Variants in NKAIN3 observed in about 807,000 individuals in gnomAD.
NKAIN3 encodes sodium/potassium transporting ATPase interacting 3, also known as sodium/potassium-transporting ATPase subunit beta-1-interacting protein 3.
NKAIN3 carries 25 observed loss-of-function variants against 30.2 expected under a neutral mutation model. That is an observed-to-expected ratio of 0.83 (90% CI 0.60 to 1.16). NKAIN3 has a LOEUF of 1.16. Ranked by LOEUF, NKAIN3 falls within the 50% of genes most tolerant of loss-of-function variation. The pLI is 0.00. For synonymous variants in NKAIN3, 91 were observed against 89.6 expected, an observed-to-expected ratio of 1.02 and a Z score of -0.09; for missense variants, 225 against 254.1, an observed-to-expected ratio of 0.89 and a Z score of 0.78.
At chr8:62,379,228 C>T (rs572287112) in intron 1 of NKAIN3, among the ~76,000 whole-genome samples, 7 of 152,266 alleles carry the variant, frequency 4.6e-5, no homozygotes, top group Admixed American at 2.0e-4. Flanking sequence ...ACCTGTACCC[C>T]GATTGTATCT....
At chr8:62,283,466 C>G (rs938303945) in intron 1 of NKAIN3, among the ~76,000 whole-genome samples, 2 of 152,216 alleles carry the variant, frequency 1.3e-5, no homozygotes, top group Admixed American at 6.5e-5. Flanking sequence ...GTCCACAGAT[C>G]AAAGTTCTTT....
chr8:62,532,255 A>T (rs1808510781), intron 1 of NKAIN3, among the ~76,000 whole-genome samples: 1 of 152,156 alleles, frequency 6.6e-6, no homozygotes, highest in African/African-American at 2.4e-5. Context: ...GGACAGCCTC[A>T]TGGTACCAGG....
At chr8:62,957,959 G>T (rs1823468757) in intron 6 of NKAIN3, among the ~76,000 whole-genome samples, 1 of 152,162 alleles carries the variant, frequency 6.6e-6, no homozygotes, top group Admixed American at 6.5e-5. Context: ...GGCAGGAACA[G>T]GGGCAGGGAG....
intron 1 of NKAIN3, among the ~76,000 whole-genome samples, chr8:62,432,568 C>T (rs74692649): frequency 0.11 from 16,592 of 151,982 alleles, 1,331 homozygotes; most frequent in African/African-American, 0.22. Context: ...CATAATATTG[C>T]ACATTATTTC....
intron 3 of NKAIN3, among the ~76,000 whole-genome samples, chr8:62,725,943 C>T (rs1815243499): frequency 6.6e-6 from 1 of 151,994 alleles, no homozygotes; most frequent in African/African-American, 2.4e-5. Flanking sequence ...AGCATGTACA[C>T]TTTAACAACA....
intron 1 of NKAIN3, among the ~76,000 whole-genome samples, chr8:62,477,763 C>T (rs1045448835): frequency 6.6e-6 from 1 of 152,000 alleles, no homozygotes; most frequent in African/African-American, 2.4e-5. Flanking sequence ...AAGGCAAGAA[C>T]CCTGTGGGCA....
At chr8:62,865,469 G>A (rs1820388394) in intron 4 of NKAIN3, among the ~76,000 whole-genome samples, 1 of 152,112 alleles carries the variant, frequency 6.6e-6, no homozygotes, top group South Asian at 2.1e-4. Flanking sequence ...TGCTTTTTGT[G>A]CACTCTGATC....
intron 3 of NKAIN3, among the ~76,000 whole-genome samples, chr8:62,673,762 C>A (rs1361608259): frequency 6.6e-6 from 1 of 152,132 alleles, no homozygotes; most frequent in East Asian, 1.9e-4. Flanking sequence ...AGTTGTAACA[C>A]AATGGTAAGT....
chr8:62,723,195 A>T lies in NKAIN3; in HGVS notation c.274-23737A>T, dbSNP rs541095867. ...TAAAATAATTATATGTTTTTTAAAA[A>T]ATCCTATCACATTAAAACAACATTT... On this transcript the variant is annotated intron_variant, in intron 3 of 6. Transcript: ENST00000623646. 3.9e-5 allele frequency among the ~76,000 whole-genome samples: 6 copies of T among 152,288 alleles called. No homozygotes were observed. In the South Asian group the frequency reaches 1.2e-3, roughly 32 times the overall value.
At chr8:62,789,853 A>G (rs570915230) in intron 4 of NKAIN3, among the ~76,000 whole-genome samples, 1 of 152,292 alleles carries the variant, frequency 6.6e-6, no homozygotes, top group South Asian at 2.1e-4. Context: ...CCAAGGCCAG[A>G]TGGATTCACA....
intron 1 of NKAIN3, chr8:62,473,455 A>G (rs1191751121): frequency 6.6e-6 from 1 of 152,184 alleles, no homozygotes; most frequent in African/African-American, 2.4e-5. Context: ...AAAAAGGAAA[A>G]TGGGGCCTTA....
chr8:62,520,365 A>G (rs1447572359), intron 1 of NKAIN3, among the ~76,000 whole-genome samples: 1 of 152,148 alleles, frequency 6.6e-6, no homozygotes, highest in African/African-American at 2.4e-5. Context: ...AATAGTAAAA[A>G]CATAAAGTAA....
chr8:62,492,339 GT>G (rs1807097503), intron 1 of NKAIN3, among the ~76,000 whole-genome samples: 1 of 152,096 alleles, frequency 6.6e-6, no homozygotes, highest in South Asian at 2.1e-4. Context: ...TGAATTATCT[GT>G]GAAACTTTGT....
At chr8:62,696,066 A>G (rs920221446) in intron 3 of NKAIN3, among the ~76,000 whole-genome samples, 6 of 152,120 alleles carry the variant, frequency 3.9e-5, no homozygotes, top group Non-Finnish European at 8.8e-5. Context: ...CAAACATACA[A>G]TGTTTGTATT....
chr8:62,374,759 G>A (rs949070518), intron 1 of NKAIN3, among the ~76,000 whole-genome samples: 2 of 152,190 alleles, frequency 1.3e-5, no homozygotes, highest in Non-Finnish European at 2.9e-5. Flanking sequence ...AAACAAATGT[G>A]TGTTAAAACT....
At chr8:62,542,324 G>A (rs372398915) in intron 1 of NKAIN3, among the ~76,000 whole-genome samples, 175 of 152,170 alleles carry the variant, frequency 1.2e-3, no homozygotes, top group African/African-American at 3.9e-3. Context: ...AATTAAGAAG[G>A]GACAGTCATT....
chr8:62,443,075 A>G (rs1202383587), intron 1 of NKAIN3, among the ~76,000 whole-genome samples: 1 of 152,048 alleles, frequency 6.6e-6, no homozygotes, highest in Non-Finnish European at 1.5e-5. Flanking sequence ...AATTAGGCAT[A>G]TATCTATTAA....
At chr8:62,500,524 T>TGAGG (rs144019572) in intron 1 of NKAIN3, among the ~76,000 whole-genome samples, 85 of 81,868 alleles carry the variant, frequency 1.0e-3, no homozygotes, top group African/African-American at 3.3e-3. Context: ...AAAGAAAGAG[T>TGAGG]GAGGGAGGGA....
intron 5 of NKAIN3, among the ~76,000 whole-genome samples, chr8:62,938,979 C>G (rs1190570996): frequency 1.3e-5 from 2 of 151,978 alleles, no homozygotes; most frequent in Admixed American, 6.6e-5. Context: ...GAGGTGAAGT[C>G]CAACTTAAAG....
Sources: gnomAD v4.1 joint callset for allele counts (sites outside exome capture counted in the v4.1 genomes callset) on GRCh38, gnomAD v4.1.1 for gene constraint, MANE v1.5 for transcripts, NCBI Gene and HGNC (gene_info 2026-07-23, HGNC 2026-07-21) for gene names.